The following SASH1 variants were observed in gnomAD, a reference collection of about 807,000 sequenced individuals.
SASH1 encodes the protein SAM and SH3 domain containing 1, also known as SAM and SH3 domain-containing protein 1.
A neutral mutation model predicts 125.2 loss-of-function variants in SASH1; 44 were observed. The observed-to-expected ratio is 0.35, with a 90% CI of 0.28 to 0.45. SASH1 has a LOEUF of 0.45. Ranked by LOEUF, SASH1 falls within the 20% of genes least tolerant of loss-of-function variation. The pLI is 1.00. For synonymous variants in SASH1, 639 were observed against 649.1 expected (o/e 0.98, Z 0.24); for missense variants, 1,426 against 1,614.5 (o/e 0.88, Z 2.00).
At chr6:148,498,243 A>C (rs965751451) in intron 8 of SASH1, among the ~76,000 whole-genome samples, 14 of 151,480 alleles carry the variant, frequency 9.2e-5, no homozygotes, top group African/African-American at 1.9e-4. Flanking sequence ...ACAAAAAAAA[A>C]AAAACAAAAA....
chr6:148,513,945 G>C, intron 8 of SASH1: 1 of 993,390 alleles, frequency 1.0e-6, no homozygotes, highest in South Asian at 4.6e-5. Flanking sequence ...TGATGGGCCA[G>C]ACAGATGAGA....
Position 148,540,426 on chromosome 6 carries a change from C to T in SASH1, c.2096-17C>T, listed in dbSNP as rs998502544. ...TTCACTCACCTTGTTGATTTCATGC[C>T]GTGTTCTCTCCTCTAGGTAACAGCG... On this transcript the variant is annotated splice_polypyrimidine_tract_variant and intron_variant, in intron 16 of 19. Transcript: ENST00000367467. The T allele has an allele frequency of 2.5e-6, 4 of 1,599,542 alleles. No homozygotes were observed. The highest frequency in any genetic ancestry group is 2.7e-5 in the African/African-American group (2 of 74,550).
chr6:148,231,293 T>C, the SASH1 span, among the ~76,000 whole-genome samples: 1 of 152,234 alleles, frequency 6.6e-6, no homozygotes, highest in Non-Finnish European at 1.5e-5. Flanking sequence ...ACCATACATG[T>C]TAAGGTTTAT....
upstream of SASH1, among the ~76,000 whole-genome samples, chr6:148,270,497 C>G (rs1023548509): frequency 6.6e-6 from 1 of 152,086 alleles, no homozygotes; most frequent in African/African-American, 2.4e-5. Flanking sequence ...AAAAACCTGT[C>G]AACCCCCCAA....
chr6:148,528,823 T>G (rs1273763093), intron 12 of SASH1, among the ~76,000 whole-genome samples: 1 of 152,156 alleles, frequency 6.6e-6, no homozygotes, highest in Non-Finnish European at 1.5e-5. Flanking sequence ...TTCACTTCAT[T>G]TCTATTGTTA....
At chr6:148,494,011 C>T (rs542480815) in intron 8 of SASH1, among the ~76,000 whole-genome samples, 48 of 150,712 alleles carry the variant, frequency 3.2e-4, no homozygotes, top group Middle Eastern at 3.4e-3. Context: ...AGTTTATTTT[C>T]TAGTTAAGAA....
intron 10 of SASH1, chr6:148,524,914 T>G (rs564770979): frequency 5.2e-6 from 1 of 192,378 alleles, no homozygotes; most frequent in South Asian, 1.0e-4. Context: ...TATCCCTTCA[T>G]TATCTCTACT....
intron 9 of SASH1, among the ~76,000 whole-genome samples, chr6:148,516,157 T>C (rs1780423450): frequency 6.6e-6 from 1 of 152,208 alleles, no homozygotes; most frequent in African/African-American, 2.4e-5. Flanking sequence ...GGCTCTGAAC[T>C]TTAATTTATC....
At chr6:148,298,300 G>A (rs902568361) in intron 1 of SASH1, among the ~76,000 whole-genome samples, 2 of 152,094 alleles carry the variant, frequency 1.3e-5, no homozygotes, top group South Asian at 2.1e-4. Context: ...GACATGAGCC[G>A]CCGTGCCCGG....
chr6:148,472,744 AC>A (rs1185974052), intron 6 of SASH1, among the ~76,000 whole-genome samples: 2 of 152,228 alleles, frequency 1.3e-5, no homozygotes, highest in Non-Finnish European at 2.9e-5. Flanking sequence ...AGATGGAAAT[AC>A]AGGGCAACAT....
At chr6:148,397,253 C>T (rs998669661) in intron 2 of SASH1, among the ~76,000 whole-genome samples, 3 of 151,952 alleles carry the variant, frequency 2.0e-5, no homozygotes, top group Non-Finnish European at 2.9e-5. Context: ...GGCTGAGGCA[C>T]GTGGATCACC....
At chr6:148,496,904 A>G (rs1387181938) in intron 8 of SASH1, among the ~76,000 whole-genome samples, 1 of 152,006 alleles carries the variant, frequency 6.6e-6, no homozygotes, top group Non-Finnish European at 1.5e-5. Flanking sequence ...TAAATTTTTT[A>G]AAAATATAAA....
chr6:148,497,163 C>G (rs1176278933), intron 8 of SASH1, among the ~76,000 whole-genome samples: 1 of 152,086 alleles, frequency 6.6e-6, no homozygotes, highest in African/African-American at 2.4e-5. Flanking sequence ...TAGGGTGAGA[C>G]TAAAGGAAAA....
At chr6:148,224,783 T>A in the SASH1 span, among the ~76,000 whole-genome samples, 1 of 152,332 alleles carries the variant, frequency 6.6e-6, no homozygotes, top group Admixed American at 6.5e-5. Flanking sequence ...TTATTTTTTA[T>A]AAATTGATAG....
At chr6:148,390,327 G>A in intron 2 of SASH1, 65 bp downstream of exon 2, 1 of 1,521,042 alleles carries the variant, frequency 6.6e-7, no homozygotes, top group Non-Finnish European at 8.9e-7. Context: ...CTTTTCCTTG[G>A]TCTTTATCCC....
In SASH1 at chr6:148,532,838, C is replaced by T. The variant is rs761124936; in HGVS notation, c.1606C>T (p.Arg536Trp). The change falls in exon 14 of 20, where the codon CGG becomes TGG. Residue 536 changes from arginine to tryptophan, a missense_variant. By Grantham distance (101) the Arg-to-Trp change is moderately radical. Around this residue, in one of 3 missense-constraint regions of SASH1, gnomAD observed 225 missense variants for 344.5 expected, o/e 0.65. Transcript: ENST00000367467. The surrounding 1 kb of genome is among the most constrained non-coding windows in gnomAD (Gnocchi z 4.7). ...CACCACTGATTCCTCAACCAGCAAC[C>T]GGGAAAGCGTCAAGTCGGAAGATGG... ...VSTTDSSTSN[R>W]ESVKSEDGDD... 4.8e-5 allele frequency: 78 copies of T among 1,614,096 alleles called. No individual in the cohort carries two copies. The highest frequency in any genetic ancestry group is 4.5e-5 in the East Asian group (2 of 44,894).
intron 2 of SASH1, among the ~76,000 whole-genome samples, chr6:148,426,650 G>A (rs1775837087): frequency 6.6e-6 from 1 of 152,154 alleles, no homozygotes; most frequent in Non-Finnish European, 1.5e-5. Context: ...CTGAAGTGGT[G>A]CGTGTCTGTT....
rs1186368190 is a variant in SASH1, at chr6:148,456,324, T to C, written c.387-12221T>C. Among the ~76,000 whole-genome samples, 3 of 152,206 alleles carry C rather than the reference T, an allele frequency of 2.0e-5. No individual in the cohort carries two copies. In the East Asian group the frequency reaches 5.8e-4, roughly 30 times the overall value. On this transcript the variant is annotated intron_variant, in intron 4 of 19. Transcript: ENST00000367467. ...GTCTCTATAGGGATCAGTGACCCCA[T>C]CTCCATACCGCCCGAGCGTGTGGCA...
In SASH1 at chr6:148,406,790, G is replaced by A. The variant is rs1040996544; in HGVS notation, c.285+16528G>A. Among the ~76,000 whole-genome samples, 8 of 150,502 alleles carry A rather than the reference G, an allele frequency of 5.3e-5. No homozygotes were observed. The East Asian group carries it at 1.4e-3, about 25-fold the overall frequency. ...AATCAGGCTCTCCAAGGGAGGAGCAGAGAGAATCAGGCTCTCCAAGGGAGG... is the reference window on the plus strand; with the variant it reads ...AATCAGGCTCTCCAAGGGAGGAGCAAAGAGAATCAGGCTCTCCAAGGGAGG... On this transcript the variant is annotated intron_variant, in intron 2 of 19. Coordinates refer to ENST00000367467, the MANE Select transcript of SASH1 (RefSeq NM_015278.5).
Sources: gnomAD v4.1 joint callset for allele counts (sites outside exome capture counted in the v4.1 genomes callset) on GRCh38, gnomAD v4.1.1 for gene constraint, gnomAD v4.1.1 regional missense constraint, Gnocchi (gnomAD v3.1) non-coding constraint, MANE v1.5 for transcripts, NCBI Gene and HGNC (gene_info 2026-07-23, HGNC 2026-07-21) for gene names.